The following GAS7 variants were observed in gnomAD, a reference collection of about 807,000 sequenced individuals.
GAS7 encodes the protein growth arrest specific 7.
Under a neutral mutation model 71.1 loss-of-function variants are expected in GAS7, and 28 were observed. The observed-to-expected ratio is 0.39, with a 90% CI of 0.29 to 0.54. The LOEUF is 0.54. GAS7 is among the 20% of genes least tolerant of loss of function. GAS7 has a pLI of 0.62. For synonymous variants in GAS7, 258 were observed against 245.8 expected, an observed-to-expected ratio of 1.05 and a Z score of -0.46; for missense variants, 436 against 627.8, an observed-to-expected ratio of 0.69 and a Z score of 3.27.
At chr17:9,957,248 G>C (rs906379162) in intron 5 of GAS7, among the ~76,000 whole-genome samples, 2 of 152,228 alleles carry the variant, frequency 1.3e-5, no homozygotes, top group African/African-American at 4.8e-5. Context: ...CCAGGAATCT[G>C]CATTTTAAAA....
chr17:9,944,520 G>A (rs1396267720), intron 6 of GAS7, among the ~76,000 whole-genome samples: 1 of 152,148 alleles, frequency 6.6e-6, no homozygotes, highest in Non-Finnish European at 1.5e-5. Flanking sequence ...GACATTTTAG[G>A]AGAGGGGAAA....
intron 1 of GAS7, among the ~76,000 whole-genome samples, chr17:10,056,286 G>A (rs896968438): frequency 7.2e-5 from 11 of 152,096 alleles, no homozygotes; most frequent in Admixed American, 3.9e-4. Flanking sequence ...CTTGAGCCCA[G>A]GAGTTCGAAA....
At chr17:10,167,961 A>G (rs1337584489) in intron 1 of GAS7, among the ~76,000 whole-genome samples, 2 of 152,048 alleles carry the variant, frequency 1.3e-5, no homozygotes, top group African/African-American at 4.8e-5. Flanking sequence ...AGCCTCCCAG[A>G]GTGCTGGGAT....
rs374541386 is a variant in GAS7 at position 10,150,397 on chromosome 17, T to C, written c.183+47811A>G. Among the ~76,000 whole-genome samples the C allele has an allele frequency of 2.3e-4, 23 of 97,876 alleles. 1 individual carries two copies. The highest frequency in any genetic ancestry group is 8.7e-4 in the South Asian group (2 of 2,308). 64.2% of individuals were successfully genotyped at this position (97,876 alleles called of 152,430 possible). On this transcript the variant is annotated intron_variant, in intron 1 of 13. Transcript: ENST00000432992. Reference sequence around the variant, plus strand: ...CTCTCCTTTTCTTCTCTTTCTTTCTTTCTCTCAACTGGTTAAGTACACACA... The same window carrying C: ...CTCTCCTTTTCTTCTCTTTCTTTCTCTCTCTCAACTGGTTAAGTACACACA...
At position 10,080,245 on chromosome 17, in the gene GAS7, T is replaced by C. The variant is rs551870417; in HGVS notation, c.184-60348A>G. ...AATGTATTAGCATGCTAAGAGACAT[T>C]CCCACCAGCACCATGACAGTTGACA... On this transcript the variant is annotated intron_variant, in intron 1 of 13. Coordinates refer to ENST00000432992, the MANE Select transcript of GAS7 (RefSeq NM_201433.2). Among the ~76,000 whole-genome samples, 2 of 152,242 alleles carry C rather than the reference T, an allele frequency of 1.3e-5. 1 individual carries two copies. The highest frequency in any genetic ancestry group is 3.9e-4 in the East Asian group (2 of 5,180).
rs372493341 is a variant in GAS7 at position 10,128,973 on chromosome 17, A to T, written c.183+69235T>A. Among the ~76,000 whole-genome samples the T allele has an allele frequency of 2.6e-5, 4 of 152,074 alleles. No individual in the cohort carries two copies. In the East Asian group the frequency reaches 7.7e-4, roughly 29 times the overall value. Reference sequence around the variant, plus strand: ...ACCAAATGATCTTTTAACCTAAATAATCCTGATTGATTTGGTATCTCCCTG... The same window carrying T: ...ACCAAATGATCTTTTAACCTAAATATTCCTGATTGATTTGGTATCTCCCTG... On this transcript the variant is annotated intron_variant, in intron 1 of 13. Coordinates refer to ENST00000432992, the MANE Select transcript of GAS7 (RefSeq NM_201433.2).
In GAS7 at chr17:9,910,627, T is replaced by C. The variant is rs1488717134; in HGVS notation, c.*6601A>G. On this transcript the variant is annotated 3_prime_UTR_variant, in exon 14 of 14. Transcript: ENST00000432992. ...GGGATTTAACTTCCTGAAAACTCTTTATAATAATGCAGGACAACTGTATAT... is the reference window on the plus strand; with the variant it reads ...GGGATTTAACTTCCTGAAAACTCTTCATAATAATGCAGGACAACTGTATAT... The C allele has an allele frequency of 5.2e-6, 1 of 192,656 alleles. No homozygotes were observed. Among genetic ancestry groups the C allele is most frequent in the Non-Finnish European group, 1.1e-5 (1 of 92,028 alleles). The allele number at this position is 192,656 out of a possible 1,614,324, so 11.9% of individuals were successfully genotyped here. A position where few individuals can be genotyped will look rare whatever the true frequency, so the allele number is the denominator to read the frequency against.
chr17:9,969,886 A>ACCAT lies in GAS7; in HGVS notation c.386-128_386-125dup. 1.5e-6 allele frequency: 1 copy of ACCAT among 668,680 alleles called. No individual in the cohort carries two copies. 41.4% of individuals were successfully genotyped at this position (668,680 alleles called of 1,614,324 possible). ...CTCTGAGAGGTCTTGCGTGGCGAAG[A>ACCAT]CCATCCCTCAGGATCTGATCTTATC... On this transcript the variant is annotated intron_variant, in intron 3 of 13. Coordinates refer to ENST00000432992, the MANE Select transcript of GAS7 (RefSeq NM_201433.2). The surrounding 1 kb of genome is among the most constrained non-coding windows in gnomAD (Gnocchi z 5.5).
chr17:10,146,279 C>T (rs1353310688), intron 1 of GAS7, among the ~76,000 whole-genome samples: 1 of 152,130 alleles, frequency 6.6e-6, no homozygotes, highest in Non-Finnish European at 1.5e-5. Context: ...CCCAGTGTGC[C>T]CAACCAGTCC....
intron 1 of GAS7, among the ~76,000 whole-genome samples, chr17:10,179,472 G>A (rs202212272): frequency 3.2e-5 from 4 of 123,746 alleles, no homozygotes; most frequent in Admixed American, 3.0e-4. Context: ...TGGTTTATCT[G>A]TCACCTTATC....
chr17:10,080,815 C>T lies in GAS7; in HGVS notation c.184-60918G>A, dbSNP rs143330987. 2.6e-4 allele frequency among the ~76,000 whole-genome samples: 39 copies of T among 152,332 alleles called. No homozygotes were observed. The East Asian group carries it at 7.5e-3, about 29-fold the overall frequency. On this transcript the variant is annotated intron_variant, in intron 1 of 13. Coordinates refer to ENST00000432992, the MANE Select transcript of GAS7 (RefSeq NM_201433.2). Reference sequence around the variant, plus strand: ...AGACAATTTTGAAGAAGAATGAGGACTTATTCCATCAGATAGTAAAACTTC... The same window carrying T: ...AGACAATTTTGAAGAAGAATGAGGATTTATTCCATCAGATAGTAAAACTTC...
At chr17:10,106,080 T>C (rs1444509791) in intron 1 of GAS7, among the ~76,000 whole-genome samples, 1 of 152,132 alleles carries the variant, frequency 6.6e-6, no homozygotes, top group Non-Finnish European at 1.5e-5. Context: ...CTGCAAACAT[T>C]AGCACGTTAC....
chr17:10,026,255 C>T lies in GAS7; in HGVS notation c.184-6358G>A. 1 of 985,396 alleles carries T rather than the reference C, an allele frequency of 1.0e-6. No homozygotes were observed. The highest frequency in any genetic ancestry group is 1.2e-6 in the Non-Finnish European group (1 of 829,910). 61.0% of individuals were successfully genotyped at this position (985,396 alleles called of 1,614,324 possible). On this transcript the variant is annotated intron_variant, in intron 1 of 13. Coordinates refer to ENST00000432992, the MANE Select transcript of GAS7 (RefSeq NM_201433.2). This position sits in a 1 kb window ranked among gnomAD's most constrained non-coding sequence, Gnocchi z 4.5. Reference sequence around the variant, plus strand: ...GACGGTTTTAAGGTCTCCCACTCTGCATCCTCTCACACCCCAAACCCAGAA... The same window carrying T: ...GACGGTTTTAAGGTCTCCCACTCTGTATCCTCTCACACCCCAAACCCAGAA...
At chr17:10,018,681 CTTCT>C (rs2072137405) in intron 2 of GAS7, among the ~76,000 whole-genome samples, 1 of 152,178 alleles carries the variant, frequency 6.6e-6, no homozygotes, top group Admixed American at 6.5e-5. Context: ...AACCAGCTGC[CTTCT>C]TTGTGTCTCT....
rs534066726 is a variant in GAS7, at chr17:10,184,638, T to C, written c.183+13570A>G. On this transcript the variant is annotated intron_variant, in intron 1 of 13. Transcript: ENST00000432992. ...TGCAGAATCCCAGTGTGGTGTAATA[T>C]GAAATATATTTGGTCCTTGTCCCCA... 5.3e-5 allele frequency among the ~76,000 whole-genome samples: 8 copies of C among 152,306 alleles called. No individual in the cohort carries two copies. In the South Asian group the frequency reaches 1.5e-3, roughly 28 times the overall value.
intron 1 of GAS7, among the ~76,000 whole-genome samples, chr17:10,139,048 T>C (rs2074061763): frequency 6.6e-6 from 1 of 152,216 alleles, no homozygotes; most frequent in Admixed American, 6.5e-5. Flanking sequence ...AGCCTAGTTT[T>C]ATATTCTCCA....
intron 11 of GAS7, among the ~76,000 whole-genome samples, chr17:9,923,383 A>G (rs1478257176): frequency 6.6e-6 from 1 of 152,158 alleles, no homozygotes; most frequent in Non-Finnish European, 1.5e-5. Context: ...CAAGCAAAAA[A>G]AAAAAATTAC....
intron 7 of GAS7, among the ~76,000 whole-genome samples, chr17:9,940,835 C>T (rs191852107): frequency 8.5e-5 from 13 of 152,342 alleles, no homozygotes; most frequent in African/African-American, 3.1e-4. Flanking sequence ...GGCAACTCCC[C>T]AGGGAGTGTC....
intron 1 of GAS7, among the ~76,000 whole-genome samples, chr17:10,053,833 C>T (rs1411675404): frequency 6.6e-6 from 1 of 152,140 alleles, no homozygotes; most frequent in Non-Finnish European, 1.5e-5. Flanking sequence ...GAGAAAGTGA[C>T]AATAAGAGGT....
Sources: gnomAD v4.1 joint callset for allele counts (sites outside exome capture counted in the v4.1 genomes callset) on GRCh38, gnomAD v4.1.1 for gene constraint, Gnocchi (gnomAD v3.1) non-coding constraint, MANE v1.5 for transcripts, NCBI Gene and HGNC (gene_info 2026-07-23, HGNC 2026-07-21) for gene names.